Variants in NR2F1-AS1 observed in about 807,000 individuals in gnomAD.
NR2F1-AS1 encodes the protein NR2F1 antisense RNA 1.
chr5:93,529,943 G>A (rs543857885), intron 4 of NR2F1-AS1, among the ~76,000 whole-genome samples: 7 of 152,010 alleles, frequency 4.6e-5, no homozygotes, highest in Non-Finnish European at 1.0e-4. Context: ...TAAAAACTAT[G>A]GCTCAAACAT....
intron 4 of NR2F1-AS1, among the ~76,000 whole-genome samples, chr5:93,488,878 G>A (rs1339208053): frequency 6.6e-6 from 1 of 152,152 alleles, no homozygotes; most frequent in Non-Finnish European, 1.5e-5. Context: ...ACTGGATAAA[G>A]AAAATGTGGC....
intron 4 of NR2F1-AS1, among the ~76,000 whole-genome samples, chr5:93,498,681 G>A (rs1751014951): frequency 6.6e-6 from 1 of 151,874 alleles, no homozygotes; most frequent in African/African-American, 2.4e-5. Flanking sequence ...ACTGCAAATA[G>A]AGGAGGCACA....
At chr5:93,558,324 T>C (rs114871190) in intron 2 of NR2F1-AS1, among the ~76,000 whole-genome samples, 5,212 of 151,756 alleles carry the variant, frequency 0.034, 298 homozygotes, top group African/African-American at 0.12. Flanking sequence ...TATTTCTTTT[T>C]TTTTTTTTTT....
intron 1 of NR2F1-AS1, among the ~76,000 whole-genome samples, chr5:93,578,810 C>T (rs1331418919): frequency 6.6e-6 from 1 of 152,242 alleles, no homozygotes; most frequent in Non-Finnish European, 1.5e-5. Context: ...GATCTAAGTA[C>T]TCTCGAAAAC....
At chr5:93,454,042 C>T (rs249253) in intron 4 of NR2F1-AS1, among the ~76,000 whole-genome samples, 150 of 152,180 alleles carry the variant, frequency 9.9e-4, no homozygotes, top group Middle Eastern at 6.8e-3. Flanking sequence ...TTTGAGAGGT[C>T]GAGGCAGGAT....
chr5:93,462,147 G>A (rs575678768), intron 4 of NR2F1-AS1, among the ~76,000 whole-genome samples: 104 of 152,284 alleles, frequency 6.8e-4, no homozygotes, highest in Non-Finnish European at 1.4e-3. Flanking sequence ...GTTTGGCTGT[G>A]TCCCCACCCA....
chr5:93,492,193 T>C (rs1271161777), intron 4 of NR2F1-AS1, among the ~76,000 whole-genome samples: 1 of 152,168 alleles, frequency 6.6e-6, no homozygotes. Flanking sequence ...AATTAGGTAA[T>C]CTAGATGTAT....
At chr5:93,481,164 G>T (rs1466157184) in intron 4 of NR2F1-AS1, among the ~76,000 whole-genome samples, 1 of 151,566 alleles carries the variant, frequency 6.6e-6, no homozygotes, top group Admixed American at 6.6e-5. Flanking sequence ...AACAATGAAA[G>T]GATAGAAAAA....
In NR2F1-AS1 at chr5:93,492,606, C is replaced by T. The variant is rs547298547; in HGVS notation, n.638+61155G>A. Among the ~76,000 whole-genome samples, 56 of 152,142 alleles carry T rather than the reference C, an allele frequency of 3.7e-4. No homozygotes were observed. The South Asian group carries it at 0.011, about 30-fold the overall frequency. ...TCAAAAGAAAACTATAACTCAATAT[C>T]CCTTATTAACACAGATGTAAAATTC... On this transcript the variant is annotated intron_variant and non_coding_transcript_variant, in intron 4 of 5. Transcript: ENST00000660523.
At chr5:93,409,720 A>AT (rs907114723) in intron 4 of NR2F1-AS1, 3 of 152,206 alleles carry the variant, frequency 2.0e-5, no homozygotes, top group African/African-American at 7.2e-5. Flanking sequence ...AGCAAATAAT[A>AT]TTTTTTTAGA....
intron 4 of NR2F1-AS1, among the ~76,000 whole-genome samples, chr5:93,504,552 C>G (rs1264233233): frequency 6.6e-6 from 1 of 151,800 alleles, no homozygotes; most frequent in Non-Finnish European, 1.5e-5. Context: ...AAGGCATACT[C>G]GAGACTGAGA....
At chr5:93,522,799 G>A (rs114152186) in intron 4 of NR2F1-AS1, among the ~76,000 whole-genome samples, 6 of 151,910 alleles carry the variant, frequency 3.9e-5, no homozygotes, top group South Asian at 2.1e-4. Flanking sequence ...CATGAGGGAC[G>A]GTGCATTCTG....
At position 93,470,823 on chromosome 5, in the gene NR2F1-AS1, A is replaced by G. The variant is rs60328722; in HGVS notation, n.639-75281T>C. On this transcript the variant is annotated intron_variant and non_coding_transcript_variant, in intron 4 of 5. Transcript: ENST00000660523. ...TTTTACTACAAAATAAAATGAGTTT[A>G]CTTTTACCCTTAAGTTTTTCTGTAA... is the stretch of plus-strand genomic sequence containing the variant. Among the ~76,000 whole-genome samples, 18 of 151,962 alleles carry G rather than the reference A, an allele frequency of 1.2e-4. No homozygotes were observed. In the East Asian group the frequency reaches 2.5e-3, roughly 21 times the overall value.
At chr5:93,449,887 C>T (rs1453048446) in intron 4 of NR2F1-AS1, among the ~76,000 whole-genome samples, 1 of 152,088 alleles carries the variant, frequency 6.6e-6, no homozygotes, top group Non-Finnish European at 1.5e-5. Flanking sequence ...TTTTTAAAGA[C>T]CCTATGACTT....
At chr5:93,482,257 ATCTCATTGGGACAGGTTAG>A (rs1179416753) in intron 4 of NR2F1-AS1, among the ~76,000 whole-genome samples, 1 of 152,158 alleles carries the variant, frequency 6.6e-6, no homozygotes, top group East Asian at 1.9e-4. Context: ...TACCTGACTC[ATCTCATTGGGACAGGTTAG>A]ACGGTGGGTG....
intron 4 of NR2F1-AS1, among the ~76,000 whole-genome samples, chr5:93,420,860 A>G (rs1342196589): frequency 6.6e-6 from 1 of 152,208 alleles, no homozygotes; most frequent in East Asian, 1.9e-4. Context: ...TCATGACAAA[A>G]ACTCAGCAGA....
chr5:93,453,832 C>T (rs1749889416), intron 4 of NR2F1-AS1, among the ~76,000 whole-genome samples: 1 of 152,094 alleles, frequency 6.6e-6, no homozygotes. Context: ...TTGATGCTAT[C>T]AGACTGGCAC....
intron 1 of NR2F1-AS1, among the ~76,000 whole-genome samples, chr5:93,575,230 G>T (rs756615933): frequency 6.6e-6 from 1 of 152,250 alleles, no homozygotes; most frequent in African/African-American, 2.4e-5. Context: ...CTCCTCTTAG[G>T]AGGTAAAGCC....
intron 4 of NR2F1-AS1, among the ~76,000 whole-genome samples, chr5:93,535,135 G>C (rs1751813504): frequency 6.7e-6 from 1 of 149,456 alleles, no homozygotes; most frequent in Non-Finnish European, 1.5e-5. Flanking sequence ...TCCTTAAACA[G>C]AATGAGAGAC....
Sources: gnomAD v4.1 joint callset for allele counts (sites outside exome capture counted in the v4.1 genomes callset) on GRCh38, gnomAD v4.1.1 for gene constraint, MANE v1.5 for transcripts, NCBI Gene and HGNC (gene_info 2026-07-23, HGNC 2026-07-21) for gene names.